The following PPARGC1A variants were observed in gnomAD, a reference collection of about 807,000 sequenced individuals.
PPARGC1A encodes PPARG coactivator 1 alpha, also known as peroxisome proliferator-activated receptor gamma coactivator 1-alpha.
PPARGC1A carries 25 observed loss-of-function variants against 88.7 expected under a neutral mutation model. That is an observed-to-expected ratio of 0.28 (90% CI 0.21 to 0.39). The LOEUF (loss-of-function observed/expected upper bound fraction) is 0.39, where lower values mean the gene tolerates loss of function less well. PPARGC1A is among the 10% of genes least tolerant of loss of function. The pLI, the probability that PPARGC1A is intolerant of heterozygous loss-of-function variation, is 1.00. For missense variants in PPARGC1A, 880 were observed against 968.7 expected, an observed-to-expected ratio of 0.91 and a Z score of 1.22; for synonymous variants, 363 against 355.6, an observed-to-expected ratio of 1.02 and a Z score of -0.24.
chr4:23,913,165 G>C, the PPARGC1A span, among the ~76,000 whole-genome samples: 5 of 140,620 alleles, frequency 3.6e-5, no homozygotes, highest in African/African-American at 1.3e-4. Context: ...TCTCTCAACT[G>C]ATATATGATA....
At chr4:24,444,434 G>T in the PPARGC1A span, among the ~76,000 whole-genome samples, 39 of 151,036 alleles carry the variant, frequency 2.6e-4, no homozygotes, top group East Asian at 1.4e-3. Flanking sequence ...ACTTATCCAA[G>T]CAAAAAAAAT....
chr4:24,289,242 A>G, the PPARGC1A span, among the ~76,000 whole-genome samples: 16,677 of 91,334 alleles, frequency 0.18, 978 homozygotes, highest in African/African-American at 0.26. Context: ...AAAAAAAAAA[A>G]AGAGAGAGAG....
At chr4:24,197,700 G>A in the PPARGC1A span, among the ~76,000 whole-genome samples, 7 of 152,252 alleles carry the variant, frequency 4.6e-5, no homozygotes, top group South Asian at 2.1e-4. Context: ...ATAAAGAAAG[G>A]TGGTGCCACC....
chr4:24,375,447 C>T, the PPARGC1A span, among the ~76,000 whole-genome samples: 2 of 152,232 alleles, frequency 1.3e-5, no homozygotes, highest in Non-Finnish European at 2.9e-5. Flanking sequence ...CTTTAAGAGT[C>T]GAACAGGGCA....
the PPARGC1A span, among the ~76,000 whole-genome samples, chr4:24,291,247 C>T: frequency 6.6e-6 from 1 of 152,280 alleles, no homozygotes; most frequent in Non-Finnish European, 1.5e-5. Context: ...GACAAAACTG[C>T]CCATTTAACA....
At chr4:24,443,916 T>C in the PPARGC1A span, among the ~76,000 whole-genome samples, 2 of 152,118 alleles carry the variant, frequency 1.3e-5, no homozygotes, top group African/African-American at 4.8e-5. Flanking sequence ...AACTTTGTTT[T>C]CAGGTGGTTC....
chr4:23,869,444 T>C (rs995136225), intron 2 of PPARGC1A, among the ~76,000 whole-genome samples: 1 of 152,136 alleles, frequency 6.6e-6, no homozygotes, highest in Non-Finnish European at 1.5e-5. Flanking sequence ...TCTTGAGCTG[T>C]GCATTCTCAG....
chr4:23,997,613 G>A, the PPARGC1A span, among the ~76,000 whole-genome samples: 9 of 143,922 alleles, frequency 6.3e-5, no homozygotes, highest in African/African-American at 7.7e-5. Context: ...AGCATTTCTC[G>A]TGCTCAGCCT....
At chr4:24,397,944 T>G in the PPARGC1A span, among the ~76,000 whole-genome samples, 1 of 152,220 alleles carries the variant, frequency 6.6e-6, no homozygotes. Context: ...CATCCTTATA[T>G]AGTCCCTTCC....
the PPARGC1A span, among the ~76,000 whole-genome samples, chr4:24,062,888 T>C: frequency 6.6e-6 from 1 of 152,264 alleles, no homozygotes; most frequent in African/African-American, 2.4e-5. Flanking sequence ...GCATAGATGA[T>C]CTTCTGTTTA....
chr4:24,405,108 T>C, the PPARGC1A span, among the ~76,000 whole-genome samples: 2 of 152,086 alleles, frequency 1.3e-5, no homozygotes, highest in African/African-American at 4.8e-5. Context: ...AACAAGGGCT[T>C]TATGTCCCCA....
the PPARGC1A span, among the ~76,000 whole-genome samples, chr4:23,974,733 C>T: frequency 1.3e-5 from 2 of 149,708 alleles, no homozygotes; most frequent in African/African-American, 2.5e-5. Flanking sequence ...CCCGGGTTCA[C>T]GCCATTCTCC....
At chr4:24,226,991 A>C in the PPARGC1A span, among the ~76,000 whole-genome samples, 3 of 152,288 alleles carry the variant, frequency 2.0e-5, no homozygotes, top group East Asian at 5.8e-4. Flanking sequence ...GCTCTCTGTT[A>C]TGTGCACAGT....
chr4:23,827,742 C>T (rs1724216770), intron 5 of PPARGC1A, among the ~76,000 whole-genome samples: 1 of 151,930 alleles, frequency 6.6e-6, no homozygotes, highest in Admixed American at 6.6e-5. Flanking sequence ...AGAAAGAAAA[C>T]AATCAGGATT....
chr4:24,064,355 G>A, the PPARGC1A span, among the ~76,000 whole-genome samples: 1 of 152,122 alleles, frequency 6.6e-6, no homozygotes, highest in Non-Finnish European at 1.5e-5. Flanking sequence ...GAGGTAAGGG[G>A]ACCAGTGGGG....
At chr4:24,318,066 G>C in the PPARGC1A span, among the ~76,000 whole-genome samples, 1 of 152,138 alleles carries the variant, frequency 6.6e-6, no homozygotes, top group African/African-American at 2.4e-5. Context: ...TTCTCCACAT[G>C]GGAAGCTAAA....
In PPARGC1A at chr4:23,857,388, G is replaced by A. The variant is rs531786349; in HGVS notation, c.235-25637C>T. ...GTGTGTGTGTGACACACACACACAC[G>A]CACGTACTAAATAGATTTTATGTAC... On this transcript the variant is annotated intron_variant, in intron 2 of 12. Coordinates refer to ENST00000264867, the MANE Select transcript of PPARGC1A (RefSeq NM_013261.5). Among the ~76,000 whole-genome samples the A allele has an allele frequency of 8.2e-4, 117 of 142,728 alleles. 2 individuals are homozygous for A. Among genetic ancestry groups the A allele is most frequent in the African/African-American group, 2.8e-3 (110 of 39,326 alleles). The allele number at this position is 142,728 out of a possible 152,430, so 93.6% of individuals were successfully genotyped here. A position where few individuals can be genotyped will look rare whatever the true frequency, so the allele number is the denominator to read the frequency against.
chr4:24,019,794 G>A, the PPARGC1A span, among the ~76,000 whole-genome samples: 1 of 152,158 alleles, frequency 6.6e-6, no homozygotes, highest in African/African-American at 2.4e-5. Flanking sequence ...CACATAAATT[G>A]TCCAAAACCT....
At chr4:24,086,935 G>T in the PPARGC1A span, among the ~76,000 whole-genome samples, 1 of 152,260 alleles carries the variant, frequency 6.6e-6, no homozygotes, top group African/African-American at 2.4e-5. Flanking sequence ...CTTTACCAAT[G>T]TTACACAGTT....
Sources: allele counts gnomAD v4.1 joint callset (sites outside exome capture counted in the v4.1 genomes callset), GRCh38; gene constraint gnomAD v4.1.1; transcripts MANE v1.5; gene names NCBI Gene and HGNC (gene_info 2026-07-23, HGNC 2026-07-21).